TPRG1: variants seen among roughly 807,000 people sequenced by gnomAD.
The protein encoded by TPRG1 is tumor protein p63-regulated gene 1 protein.
TPRG1 carries 29 observed loss-of-function variants against 29.3 expected under a neutral mutation model. The ratio of observed to expected loss-of-function variants is 0.99; its 90% CI spans 0.74 to 1.35. TPRG1 has a LOEUF of 1.35. Among genes scored for constraint, TPRG1 ranks in the 40% most tolerant of loss-of-function variants. The pLI is 0.00. For missense variants in TPRG1, 327 were observed against 335.0 expected (o/e 0.98, Z 0.19); for synonymous variants, 130 against 116.8 (o/e 1.11, Z -0.73).
At chr3:189,314,980 T>C (rs990262597) in intron 5 of TPRG1, among the ~76,000 whole-genome samples, 1 of 152,060 alleles carries the variant, frequency 6.6e-6, no homozygotes, top group African/African-American at 2.4e-5. Flanking sequence ...AATAAATTAA[T>C]GAGACATGGT....
At chr3:189,317,971 C>T (rs1275104008) in intron 5 of TPRG1, among the ~76,000 whole-genome samples, 2 of 152,142 alleles carry the variant, frequency 1.3e-5, no homozygotes, top group Non-Finnish European at 2.9e-5. Flanking sequence ...TTATTTGTCT[C>T]TACACACTTG....
At chr3:189,052,727 T>TTTTA (rs1553896392) in intron 4 of TPRG1, among the ~76,000 whole-genome samples, 1 of 150,484 alleles carries the variant, frequency 6.6e-6, no homozygotes, top group Non-Finnish European at 1.5e-5. Context: ...AAAGAAACTA[T>TTTTA]TATATATATA....
intron 4 of TPRG1, among the ~76,000 whole-genome samples, chr3:189,245,744 T>A (rs185838650): frequency 3.9e-4 from 60 of 152,252 alleles, no homozygotes; most frequent in African/African-American, 1.4e-3. Flanking sequence ...GTGTAGTTTT[T>A]TAATAGTTAC....
rs1715140667 is a variant in TPRG1 at position 189,048,968 on chromosome 3, G to C, written c.-463+25022G>C. On this transcript the variant is annotated intron_variant, in intron 4 of 10. Coordinates refer to the TPRG1 transcript ENST00000433971. ...CTGAGCGAAATACAGGGGTAGAGGA[G>C]CAGCAGAAAGGCCTTGAGAGCTCGC... 2.0e-5 allele frequency among the ~76,000 whole-genome samples: 3 copies of C among 152,188 alleles called. No individual in the cohort carries two copies. In the South Asian group the frequency reaches 6.2e-4, roughly 31 times the overall value.
chr3:189,045,422 A>G (rs1714913899), intron 4 of TPRG1, among the ~76,000 whole-genome samples: 1 of 152,260 alleles, frequency 6.6e-6, no homozygotes, highest in African/African-American at 2.4e-5. Flanking sequence ...CAGGATTTAT[A>G]CATTTTGTGG....
At chr3:189,227,434 G>A (rs1246049051) in intron 3 of TPRG1, among the ~76,000 whole-genome samples, 1 of 152,224 alleles carries the variant, frequency 6.6e-6, no homozygotes, top group African/African-American at 2.4e-5. Context: ...GCTTTGCTCA[G>A]TGTGGCAGTT....
chr3:189,220,947 T>A (rs533618792), intron 3 of TPRG1, among the ~76,000 whole-genome samples: 195 of 152,316 alleles, frequency 1.3e-3, no homozygotes, highest in Middle Eastern at 3.4e-3. Flanking sequence ...AGTTTTTTCC[T>A]TTTATTTTTC....
intron 4 of TPRG1, among the ~76,000 whole-genome samples, chr3:189,269,091 G>GTT (rs575985858): frequency 6.9e-6 from 1 of 144,604 alleles, no homozygotes; most frequent in Non-Finnish European, 1.5e-5. Context: ...ACATCCTGAG[G>GTT]TTTTTTTTTT....
chr3:189,196,488 G>C (rs913088105), intron 1 of TPRG1, among the ~76,000 whole-genome samples: 1 of 152,164 alleles, frequency 6.6e-6, no homozygotes, highest in Non-Finnish European at 1.5e-5. Flanking sequence ...GAAGGGGAAG[G>C]GGAAGCAAGA....
At chr3:189,107,635 A>AT (rs1252806684) in intron 1 of TPRG1, among the ~76,000 whole-genome samples, 1 of 152,116 alleles carries the variant, frequency 6.6e-6, no homozygotes, top group Admixed American at 6.6e-5. Flanking sequence ...TCTGTTGTTC[A>AT]TTCACCTGCA....
chr3:189,152,967 G>A (rs961736045), intron 5 of TPRG1, among the ~76,000 whole-genome samples: 2 of 152,068 alleles, frequency 1.3e-5, no homozygotes, highest in South Asian at 2.1e-4. Flanking sequence ...GCTACCCGCC[G>A]TTATTTGCAC....
intron 1 of TPRG1, among the ~76,000 whole-genome samples, chr3:189,115,721 C>T (rs921070020): frequency 6.6e-6 from 1 of 152,094 alleles, no homozygotes; most frequent in Admixed American, 6.5e-5. Context: ...AGCATAAGGC[C>T]CACCTGAGAA....
chr3:189,175,538 T>C (rs1281383795), intron 1 of TPRG1, among the ~76,000 whole-genome samples: 1 of 152,192 alleles, frequency 6.6e-6, no homozygotes, highest in Admixed American at 6.5e-5. Context: ...TTCATGATTA[T>C]TAGCTCATTG....
At chr3:189,230,852 C>T (rs1167087674) in intron 3 of TPRG1, among the ~76,000 whole-genome samples, 2 of 152,112 alleles carry the variant, frequency 1.3e-5, no homozygotes, top group East Asian at 3.9e-4. Context: ...CTTTATGCCA[C>T]GTAGTGAGAA....
intron 4 of TPRG1, among the ~76,000 whole-genome samples, chr3:189,045,022 C>T (rs1252344914): frequency 1.3e-5 from 2 of 152,096 alleles, no homozygotes; most frequent in Non-Finnish European, 2.9e-5. Context: ...TGGAAAATCA[C>T]CAAATAAAAC....
At chr3:189,251,307 G>C (rs1025513531) in intron 4 of TPRG1, among the ~76,000 whole-genome samples, 3 of 152,112 alleles carry the variant, frequency 2.0e-5, no homozygotes, top group African/African-American at 7.2e-5. Flanking sequence ...TGAAGGAAAG[G>C]GGTGACGGCA....
intron 4 of TPRG1, among the ~76,000 whole-genome samples, chr3:189,060,238 CAAACAAAG>C (rs1350598102): frequency 6.6e-6 from 1 of 152,042 alleles, no homozygotes; most frequent in African/African-American, 2.4e-5. Flanking sequence ...GTCTCAAAAA[CAAACAAAG>C]AAACAAACAA....
chr3:189,013,450 T>C (rs536759455), intron 3 of TPRG1, among the ~76,000 whole-genome samples: 12 of 152,154 alleles, frequency 7.9e-5, no homozygotes, highest in African/African-American at 2.9e-4. Flanking sequence ...TATGTGATCA[T>C]TTTTTTGAGT....
intron 4 of TPRG1, among the ~76,000 whole-genome samples, chr3:189,057,769 CACATAT>C (rs1455225262): frequency 1.0e-4 from 15 of 146,054 alleles, no homozygotes; most frequent in African/African-American, 3.0e-4. Context: ...TATATACACA[CACATAT>C]ACATATATGT....
Sources: gnomAD v4.1 joint callset for allele counts (sites outside exome capture counted in the v4.1 genomes callset) on GRCh38, gnomAD v4.1.1 for gene constraint, MANE v1.5 for transcripts, NCBI Gene and HGNC (gene_info 2026-07-23, HGNC 2026-07-21) for gene names.